The following SLC12A2 variants were observed in gnomAD, a reference collection of about 807,000 sequenced individuals.
SLC12A2 encodes the protein Na-K-2Cl cotransporter 1.
A neutral mutation model predicts 136.3 loss-of-function variants in SLC12A2; 67 were observed. That is an observed-to-expected ratio of 0.49 (90% confidence interval 0.40 to 0.60). SLC12A2 has a LOEUF of 0.60. SLC12A2 is among the 20% of genes least tolerant of loss of function. SLC12A2 has a pLI of 0.00. For synonymous variants in SLC12A2, 619 were observed against 562.9 expected (o/e 1.10, Z -1.41); for missense variants, 1,322 against 1,534.7 (o/e 0.86, Z 2.32).
chr5:128,092,805 G>A (rs1488382567), intron 1 of SLC12A2, among the ~76,000 whole-genome samples: 2 of 151,870 alleles, frequency 1.3e-5, no homozygotes, highest in African/African-American at 4.8e-5. Flanking sequence ...ACAGTACTTG[G>A]CAGTTTGGTT....
chr5:128,138,798 C>G (rs1444397694), intron 8 of SLC12A2, 26 bp from the exon 9 acceptor site: 1 of 1,604,318 alleles, frequency 6.2e-7, no homozygotes, highest in Non-Finnish European at 8.5e-7. Flanking sequence ...TACAGATAGA[C>G]TTTAAAAAAT....
intron 14 of SLC12A2, 30 bp downstream of exon 14, chr5:128,151,426 G>C (rs778071780): frequency 1.3e-6 from 2 of 1,581,530 alleles, no homozygotes; most frequent in South Asian, 2.4e-5. Flanking sequence ...TATATCCCAA[G>C]CTAGAAAACA....
intron 18 of SLC12A2, chr5:128,168,450 C>T (rs1392684153): frequency 6.6e-6 from 1 of 152,224 alleles, no homozygotes; most frequent in Non-Finnish European, 1.5e-5. Context: ...AGTCCCCAAC[C>T]TTTTTGGCAC....
At chr5:128,153,589 A>C (rs576349040) in intron 15 of SLC12A2, among the ~76,000 whole-genome samples, 1 of 152,338 alleles carries the variant, frequency 6.6e-6, no homozygotes, top group South Asian at 2.1e-4. Context: ...TCTTTCTAAT[A>C]GTTTATTAAC....
Position 128,122,071 on chromosome 5 carries a change from T to C in SLC12A2, c.1048+7390T>C, listed in dbSNP as rs111938948. Among the ~76,000 whole-genome samples the C allele has an allele frequency of 1.9e-3, 292 of 152,356 alleles. 1 individual carries two copies. Among genetic ancestry groups the C allele is most frequent in the African/African-American group, 6.5e-3 (271 of 41,576 alleles). Reference sequence around the variant, plus strand: ...GTAAATTCTTGGTTTTAATTAATACTGTATTATATGAACTGAGCAATACAA... The same window carrying C: ...GTAAATTCTTGGTTTTAATTAATACCGTATTATATGAACTGAGCAATACAA... On this transcript the variant is annotated intron_variant, in intron 4 of 26. Transcript: ENST00000262461.
At chr5:128,086,808 T>TTA (rs1460722743) in intron 1 of SLC12A2, among the ~76,000 whole-genome samples, 1 of 151,962 alleles carries the variant, frequency 6.6e-6, no homozygotes, top group East Asian at 1.9e-4. Context: ...ACAGGAGGGG[T>TTA]TATAACAGGT....
At chr5:128,147,830 C>G in intron 11 of SLC12A2, 101 bp downstream of exon 11, 1 of 617,234 alleles carries the variant, frequency 1.6e-6, no homozygotes, top group Non-Finnish European at 2.9e-6. Flanking sequence ...TTCTATCAAC[C>G]ATATATACAT....
At chr5:128,120,045 A>G (rs1228782455) in intron 4 of SLC12A2, among the ~76,000 whole-genome samples, 3 of 151,934 alleles carry the variant, frequency 2.0e-5, no homozygotes, top group African/African-American at 7.3e-5. Context: ...AAAAGTGGGC[A>G]AAGGATATGA....
Position 128,084,174 on chromosome 5 carries a change from C to A in SLC12A2, c.220C>A (p.Pro74Thr). 1 of 1,296,020 alleles carries A rather than the reference C, an allele frequency of 7.7e-7. No homozygotes were observed. Among genetic ancestry groups the A allele is most frequent in the South Asian group, 2.5e-5 (1 of 40,540 alleles). 80.3% of individuals were successfully genotyped at this position (1,296,020 alleles called of 1,614,324 possible). A position where few individuals can be genotyped will look rare whatever the true frequency, so the allele number is the denominator to read the frequency against. ...GGACGGGCTGGGCAGACCCTTGGGG[C>A]CCACCCCGAGCCAGAGCCGTTTCCA... ...AGDGLGRPLG[P>T]TPSQSRFQVD... Residue 74 changes from proline (P) to threonine (T), a missense_variant, in exon 1 of 27, where the codon CCC becomes ACC. Pro to Thr is a conservative substitution (Grantham distance 38). Around this residue, in one of 8 missense-constraint regions of SLC12A2, gnomAD observed 358 missense variants for 299.7 expected, o/e 1.19. Coordinates refer to ENST00000262461, the MANE Select transcript of SLC12A2 (RefSeq NM_001046.3). This position sits in a 1 kb window ranked among gnomAD's most constrained non-coding sequence, Gnocchi z 5.6.
chr5:128,134,181 T>A lies in SLC12A2; in HGVS notation c.1205T>A (p.Met402Lys). ...VELLKEHSILMIDEINDIRII... is the reference protein window; with the variant it reads ...VELLKEHSILKIDEINDIRII... ...TTTTTCTAGGAACATTCCATACTTATGATAGATGAAATCAATGATATCCGA... is the reference window on the plus strand; with the variant it reads ...TTTTTCTAGGAACATTCCATACTTAAGATAGATGAAATCAATGATATCCGA... The change falls in exon 6 of 27, where the codon ATG becomes AAG. Residue 402 changes from methionine (M) to lysine (K), a missense_variant. This residue lies in a region of SLC12A2 where 110 missense variants were observed against 114.5 expected (regional missense o/e 0.96). Coordinates refer to ENST00000262461, the MANE Select transcript of SLC12A2 (RefSeq NM_001046.3). 6.4e-7 allele frequency: 1 copy of A among 1,570,378 alleles called. No individual in the cohort carries two copies. Among genetic ancestry groups the A allele is most frequent in the Non-Finnish European group, 8.8e-7 (1 of 1,141,136 alleles).
intron 1 of SLC12A2, among the ~76,000 whole-genome samples, chr5:128,099,176 G>A (rs1760654340): frequency 6.6e-6 from 1 of 152,108 alleles, no homozygotes; most frequent in South Asian, 2.1e-4. Context: ...TTTGCATAAT[G>A]ATACAAACCT....
chr5:128,087,318 G>A (rs1232823607), intron 1 of SLC12A2, among the ~76,000 whole-genome samples: 1 of 152,204 alleles, frequency 6.6e-6, no homozygotes, highest in Non-Finnish European at 1.5e-5. Context: ...GTGGTGATTA[G>A]CAAACCAGTT....
intron 10 of SLC12A2, 130 bp downstream of exon 10, chr5:128,142,111 AT>A (rs1473698655): frequency 1.2e-6 from 1 of 816,264 alleles, no homozygotes; most frequent in African/African-American, 1.8e-5. Flanking sequence ...TTAATTTTTA[AT>A]TTTTTCTTGA....
chr5:128,141,057 T>C (rs1762350774), intron 9 of SLC12A2, among the ~76,000 whole-genome samples: 2 of 152,176 alleles, frequency 1.3e-5, no homozygotes, highest in African/African-American at 4.8e-5. Flanking sequence ...GAATGGTAAT[T>C]ACCATTAGTT....
rs145395583 is a variant in SLC12A2 at position 128,090,578 on chromosome 5, C to T, written c.756+5868C>T. ...AAACAAAACAAAGTCATGGGGCTTT[C>T]ATTCTAGCGGTAGGAGACAATAAAC... is the stretch of plus-strand genomic sequence containing the variant. On this transcript the variant is annotated intron_variant, in intron 1 of 26. Transcript: ENST00000262461. Among the ~76,000 whole-genome samples the T allele has an allele frequency of 3.9e-3, 588 of 152,220 alleles. 4 individuals are homozygous for T. The highest frequency in any genetic ancestry group is 0.014 in the African/African-American group (565 of 41,520).
At chr5:128,180,206 G>A (rs140476042) in intron 22 of SLC12A2, among the ~76,000 whole-genome samples, 1,992 of 151,826 alleles carry the variant, frequency 0.013, 21 homozygotes, top group Non-Finnish European at 0.017. Context: ...TCCTGACCTC[G>A]TGATCCACCC....
chr5:128,113,060 G>A (rs1332294111), intron 2 of SLC12A2, 127 bp downstream of exon 2: 2 of 707,210 alleles, frequency 2.8e-6, no homozygotes, highest in African/African-American at 1.8e-5. Flanking sequence ...TCTGAGTGCT[G>A]TGGAAAACCA....
intron 15 of SLC12A2, among the ~76,000 whole-genome samples, chr5:128,155,040 A>T (rs1762831177): frequency 6.6e-6 from 1 of 152,034 alleles, no homozygotes; most frequent in African/African-American, 2.4e-5. Context: ...TCATGAAGTA[A>T]AATAAGAGTT....
intron 1 of SLC12A2, among the ~76,000 whole-genome samples, chr5:128,092,502 AAATAT>A (rs2126641814): frequency 6.6e-6 from 1 of 152,334 alleles, no homozygotes; most frequent in Non-Finnish European, 1.5e-5. Flanking sequence ...TGTCCGATAG[AAATAT>A]AATATGAACT....
Sources: allele counts gnomAD v4.1 joint callset (sites outside exome capture counted in the v4.1 genomes callset), GRCh38; gene constraint gnomAD v4.1.1; regional missense constraint gnomAD v4.1.1; non-coding constraint Gnocchi (gnomAD v3.1); transcripts MANE v1.5; gene names NCBI Gene and HGNC (gene_info 2026-07-23, HGNC 2026-07-21).